Variants in ITGB1 observed in about 807,000 individuals in gnomAD.
ITGB1 encodes the protein integrin beta-1.
A neutral mutation model predicts 86.5 loss-of-function variants in ITGB1; 24 were observed. The observed-to-expected ratio is 0.28, with a 90% CI of 0.20 to 0.39. ITGB1 has a LOEUF of 0.39. ITGB1 is among the 10% of genes least tolerant of loss of function. The pLI, the probability that ITGB1 is intolerant of heterozygous loss-of-function variation, is 1.00. For synonymous variants in ITGB1, 323 were observed against 316.8 expected (o/e 1.02, Z -0.21); for missense variants, 556 against 946.9 (o/e 0.59, Z 5.42).
At position 32,910,191 on chromosome 10, in the gene ITGB1, G is replaced by A. The variant is rs753648575; in HGVS notation, c.2164+32C>T. On this transcript the variant is annotated intron_variant, in intron 14 of 15. Coordinates refer to ENST00000302278, the MANE Select transcript of ITGB1 (RefSeq NM_002211.4). ...AGCAGAAACAAGACATACAAGATAT[G>A]AAAAGAATGTCTGCAATCATCGCAT... The A allele has an allele frequency of 2.0e-6, 3 of 1,483,100 alleles. No individual in the cohort carries two copies. In the South Asian group the frequency reaches 3.5e-5, roughly 17 times the overall value. 91.9% of individuals were successfully genotyped at this position (1,483,100 alleles called of 1,614,324 possible).
chr10:32,945,829 T>C (rs1040510323), intron 1 of ITGB1, among the ~76,000 whole-genome samples: 3 of 152,216 alleles, frequency 2.0e-5, no homozygotes, highest in African/African-American at 7.2e-5. Context: ...CTAATAAATA[T>C]ATAAGCTAAC....
At chr10:32,910,928 G>A (rs2137169173) in intron 13 of ITGB1, among the ~76,000 whole-genome samples, 1 of 152,156 alleles carries the variant, frequency 6.6e-6, no homozygotes. Context: ...TAGTAGAGAT[G>A]GGGTTTCACC....
intron 15 of ITGB1, 30 bp from the exon 16 acceptor site, chr10:32,901,665 T>C: frequency 2.2e-6 from 3 of 1,358,914 alleles, no homozygotes; most frequent in South Asian, 1.2e-5. Context: ...AGAAAAATTA[T>C]CAGTTACCCT....
chr10:32,940,110 C>A (rs981334280), intron 1 of ITGB1, among the ~76,000 whole-genome samples: 1 of 152,112 alleles, frequency 6.6e-6, no homozygotes, highest in Non-Finnish European at 1.5e-5. Context: ...CTTTGGGAGG[C>A]CAAGATGGGC....
intron 1 of ITGB1, among the ~76,000 whole-genome samples, chr10:32,949,422 A>G (rs2095038495): frequency 6.6e-6 from 1 of 152,228 alleles, no homozygotes; most frequent in Non-Finnish European, 1.5e-5. Context: ...CTCAGGGCAC[A>G]GAAATGGAAA....
intron 1 of ITGB1, 53 bp from the exon 2 acceptor site, chr10:32,935,611 G>A (rs1188300600): frequency 1.3e-5 from 17 of 1,283,268 alleles, no homozygotes; most frequent in Non-Finnish European, 1.9e-5. Context: ...AATGAAAAAT[G>A]CATTAAATAG....
At position 32,910,387 on chromosome 10, in the gene ITGB1, T is replaced by C; in HGVS notation, c.2000A>G (p.Tyr667Cys). ...ACTTTCTACCTTGGTAATGTTAAAATAGGAACATTCCTGTGTGCATGTGTC... is the reference window on the plus strand; with the variant it reads ...ACTTTCTACCTTGGTAATGTTAAAACAGGAACATTCCTGTGTGCATGTGTC... ...KKDTCTQECS[Y>C]FNITKVESRD... Residue 667 changes from tyrosine to cysteine, a missense_variant, in exon 14 of 16, where the codon TAT becomes TGT. Around this residue, in one of 4 missense-constraint regions of ITGB1, gnomAD observed 330 missense variants for 531.5 expected, o/e 0.62. Transcript: ENST00000302278. 2 of 1,603,780 alleles carry C rather than the reference T, an allele frequency of 1.2e-6. No individual in the cohort carries two copies. Among genetic ancestry groups the C allele is most frequent in the East Asian group, 2.2e-5 (1 of 44,810 alleles).
At chr10:32,956,772 A>G (rs2095053141) in intron 1 of ITGB1, among the ~76,000 whole-genome samples, 1 of 152,162 alleles carries the variant, frequency 6.6e-6, no homozygotes, top group African/African-American at 2.4e-5. Flanking sequence ...GGCCCAAAGA[A>G]ACCTTACCAA....
In ITGB1 at chr10:32,922,264, G is replaced by C; in HGVS notation, c.1121C>G (p.Ala374Gly). The C allele has an allele frequency of 6.4e-7, 1 of 1,562,906 alleles. No homozygotes were observed. The highest frequency in any genetic ancestry group is 8.8e-7 in the Non-Finnish European group (1 of 1,136,408). ...SSNVIQLIID[A>G]YNSLSSEVIL... ...TATTTAAGATGTACTCACATTGTATGCATCAATGATCAACTGAATTACATT... is the reference window on the plus strand; with the variant it reads ...TATTTAAGATGTACTCACATTGTATCCATCAATGATCAACTGAATTACATT... Residue 374 changes from alanine to glycine, a missense_variant, in exon 9 of 16, where the codon GCA (alanine) becomes GGA (glycine). Ala to Gly is a moderately conservative substitution (Grantham distance 60, BLOSUM62 0). This residue lies in a region of ITGB1 where 330 missense variants were observed against 531.5 expected (regional missense o/e 0.62). Transcript: ENST00000302278.
At chr10:32,937,081 T>C (rs1471867089) in intron 1 of ITGB1, among the ~76,000 whole-genome samples, 1 of 152,120 alleles carries the variant, frequency 6.6e-6, no homozygotes, top group East Asian at 1.9e-4. Context: ...TACTGGGAAT[T>C]TACCCTAAGG....
intron 2 of ITGB1, 122 bp from the exon 3 acceptor site, chr10:32,932,722 C>G (rs2094987772): frequency 8.1e-6 from 5 of 616,476 alleles, no homozygotes; most frequent in Non-Finnish European, 1.4e-5. Flanking sequence ...GACCTAGTTA[C>G]CATCTAAACT....
rs2094945352 is a variant in ITGB1, at chr10:32,920,321, T to C, written c.1193A>G (p.Lys398Arg). The C allele has an allele frequency of 1.9e-6, 3 of 1,612,864 alleles. No individual in the cohort carries two copies. In the South Asian group the frequency reaches 3.3e-5, roughly 18 times the overall value. ...ATTCACCCCGTTCTTGCAGTAAGAT[T>C]TGTAACTTATTGTTACGCCTTCTGA... ...KLSEGVTISY[K>R]SYCKNGVNGT... is the part of the protein sequence containing the mutation. The change falls in exon 10 of 16, where the codon AAA becomes AGA. Residue 398 changes from lysine to arginine, a missense_variant. By Grantham distance (26) the Lys-to-Arg change is conservative (BLOSUM62 2). This residue lies in a region of ITGB1 where 330 missense variants were observed against 531.5 expected (regional missense o/e 0.62). Transcript: ENST00000302278.
At chr10:32,923,931 G>A (rs2137208945) in intron 6 of ITGB1, among the ~76,000 whole-genome samples, 191 bp from the exon 7 acceptor site, 1 of 152,244 alleles carries the variant, frequency 6.6e-6, no homozygotes, top group East Asian at 1.9e-4. Context: ...TCCATCCCAT[G>A]TACAACGATA....
At chr10:32,957,535 G>A (rs1480656119) in intron 1 of ITGB1, among the ~76,000 whole-genome samples, 1 of 152,016 alleles carries the variant, frequency 6.6e-6, no homozygotes, top group African/African-American at 2.4e-5. Flanking sequence ...GCTCCACTAA[G>A]CCAACTTCTA....
At chr10:32,935,911 T>C (rs865924815) in intron 1 of ITGB1, 73 of 169,036 alleles carry the variant, frequency 4.3e-4, no homozygotes, top group African/African-American at 1.5e-3. Flanking sequence ...TCTCAGCCCA[T>C]AGAATCTCTA....
rs202047231 is a variant in ITGB1 at position 32,901,477 on chromosome 10, A to T, written c.*93T>A. The T allele has an allele frequency of 1.1e-5, 9 of 815,170 alleles. No individual in the cohort carries two copies. The highest frequency in any genetic ancestry group is 1.8e-5 in the Non-Finnish European group (9 of 499,364). The allele number at this position is 815,170 out of a possible 1,614,324, so 50.5% of individuals were successfully genotyped here. On this transcript the variant is annotated 3_prime_UTR_variant, in exon 16 of 16. Coordinates refer to ENST00000302278, the MANE Select transcript of ITGB1 (RefSeq NM_002211.4). ...ACATTTTCAAAACCTGCACATGAGT[A>T]AAACCATGGCAATATTGCCCTAAAG...
intron 11 of ITGB1, among the ~76,000 whole-genome samples, chr10:32,915,538 C>G (rs2094928859): frequency 6.6e-6 from 1 of 152,182 alleles, no homozygotes; most frequent in Non-Finnish European, 1.5e-5. Flanking sequence ...ATAAACACCA[C>G]TATGCAAATT....
chr10:32,913,381 A>G (rs2094920043), intron 11 of ITGB1, among the ~76,000 whole-genome samples: 1 of 152,216 alleles, frequency 6.6e-6, no homozygotes, highest in South Asian at 2.1e-4. Context: ...GAGCTAAAGG[A>G]GGATATTCAA....
At chr10:32,906,455 TG>T in intron 15 of ITGB1, 1 of 221,800 alleles carries the variant, frequency 4.5e-6, no homozygotes, top group Non-Finnish European at 9.4e-6. Context: ...CCTAGCATGG[TG>T]GCAGGCACCT....
Sources: gnomAD v4.1 joint callset for allele counts (sites outside exome capture counted in the v4.1 genomes callset) on GRCh38, gnomAD v4.1.1 for gene constraint, gnomAD v4.1.1 regional missense constraint, MANE v1.5 for transcripts, NCBI Gene and HGNC (gene_info 2026-07-23, HGNC 2026-07-21) for gene names.